Variants in SPATS2L observed in about 807,000 individuals in gnomAD.
SPATS2L encodes spermatogenesis associated serine rich 2 like.
A neutral mutation model predicts 59.6 loss-of-function variants in SPATS2L; 30 were observed. That is an observed-to-expected ratio of 0.50 (90% confidence interval 0.38 to 0.68). The LOEUF (loss-of-function observed/expected upper bound fraction) is 0.68, where lower values mean the gene tolerates loss of function less well. Ranked by LOEUF, SPATS2L falls within the 30% of genes least tolerant of loss-of-function variation. The probability of loss-of-function intolerance (pLI) is 0.00; values close to 1 mark genes in which losing one functional copy is unlikely to be tolerated. For synonymous variants in SPATS2L, 252 were observed against 263.5 expected (o/e 0.96, Z 0.42); for missense variants, 615 against 700.0 (o/e 0.88, Z 1.37).
rs1286396650 is a variant in SPATS2L at position 200,354,226 on chromosome 2, G to C, written c.-23+24746G>C. Among the ~76,000 whole-genome samples, 3 of 152,146 alleles carry C rather than the reference G, an allele frequency of 2.0e-5. No homozygotes were observed. The South Asian group carries it at 6.2e-4, about 32-fold the overall frequency. On this transcript the variant is annotated intron_variant, in intron 2 of 12. Transcript: ENST00000409140. Reference sequence around the variant, plus strand: ...ATAGAAAGGGGTGTTGATGTTCCTCGCTCTCATACAATGAGATGACTTTAA... The same window carrying C: ...ATAGAAAGGGGTGTTGATGTTCCTCCCTCTCATACAATGAGATGACTTTAA...
chr2:200,350,345 C>T (rs2080678266), intron 2 of SPATS2L, among the ~76,000 whole-genome samples: 1 of 152,052 alleles, frequency 6.6e-6, no homozygotes, highest in South Asian at 2.1e-4. Flanking sequence ...CTCATCTTCT[C>T]ATTTGTTGTC....
rs750107184 is a variant in SPATS2L, at chr2:200,412,432, G to C, written c.148+13G>C. 1.4e-6 allele frequency: 2 copies of C among 1,446,384 alleles called. No individual in the cohort carries two copies. Among genetic ancestry groups the C allele is most frequent in the East Asian group, 4.6e-5 (2 of 43,496 alleles). The allele number at this position is 1,446,384 out of a possible 1,614,324, so 89.6% of individuals were successfully genotyped here. On this transcript the variant is annotated intron_variant, in intron 4 of 12. Coordinates refer to ENST00000409140, the MANE Select transcript of SPATS2L (RefSeq NM_001100423.2). ...GCCTTTGTGGATGGTAGGTATACCT[G>C]TACCCTGCAGCTGAAGATGTTAGAC...
chr2:200,364,339 C>T (rs975357838), intron 2 of SPATS2L, among the ~76,000 whole-genome samples: 7 of 152,066 alleles, frequency 4.6e-5, no homozygotes, highest in East Asian at 1.9e-4. Flanking sequence ...GCTGTGTCAC[C>T]GGTTTGTTGT....
At chr2:200,310,679 C>G (rs1354413371) in intron 1 of SPATS2L, among the ~76,000 whole-genome samples, 1 of 152,194 alleles carries the variant, frequency 6.6e-6, no homozygotes, top group Non-Finnish European at 1.5e-5. Context: ...TTCAGTGTAC[C>G]TCACAGTCTT....
chr2:200,466,121 T>C (rs968891062), intron 9 of SPATS2L, among the ~76,000 whole-genome samples: 5 of 152,236 alleles, frequency 3.3e-5, no homozygotes, highest in Admixed American at 2.6e-4. Context: ...TCTGTACTTC[T>C]TTTTGGGCTT....
At chr2:200,417,162 C>T (rs568719365) in intron 5 of SPATS2L, among the ~76,000 whole-genome samples, 13 of 152,242 alleles carry the variant, frequency 8.5e-5, no homozygotes, top group African/African-American at 2.9e-4. Flanking sequence ...CCTTGTGTTT[C>T]GGATTTCCCA....
In SPATS2L at chr2:200,306,757, G is replaced by C. The variant is rs1343202919; in HGVS notation, c.-238G>C. Reference sequence around the variant, plus strand: ...GGCTGCGCCCTCCGCTGCAAGCGCCGGCAGCGCGGGGCGAGCTCCGGACGG... The same window carrying C: ...GGCTGCGCCCTCCGCTGCAAGCGCCCGCAGCGCGGGGCGAGCTCCGGACGG... On this transcript the variant is annotated 5_prime_UTR_variant, in exon 1 of 13. Transcript: ENST00000409140. The C allele has an allele frequency of 1.0e-6, 1 of 982,488 alleles. No homozygotes were observed. 60.9% of individuals were successfully genotyped at this position (982,488 alleles called of 1,614,324 possible). A position where few individuals can be genotyped will look rare whatever the true frequency, so the allele number is the denominator to read the frequency against.
chr2:200,469,676 G>A (rs1423037270), intron 10 of SPATS2L: 1 of 462,164 alleles, frequency 2.2e-6, no homozygotes, highest in Non-Finnish European at 3.8e-6. Flanking sequence ...CACATTTCAT[G>A]TAGGCCCAAA....
chr2:200,393,492 A>G (rs754314889), intron 3 of SPATS2L, among the ~76,000 whole-genome samples: 2 of 152,220 alleles, frequency 1.3e-5, no homozygotes, highest in African/African-American at 2.4e-5. Flanking sequence ...CATTTCCGTA[A>G]CTTATAAAAA....
intron 12 of SPATS2L, 85 bp from the exon 13 acceptor site, chr2:200,477,551 C>T: frequency 3.8e-6 from 2 of 527,574 alleles, no homozygotes; most frequent in Non-Finnish European, 5.6e-6. Flanking sequence ...TTACCTGTGG[C>T]TTAGAGATTT....
In SPATS2L at chr2:200,479,849, G is replaced by C. The variant is rs2087736243; in HGVS notation, c.*1818G>C. ...GTACAGGAGGATGTTTGCTCTCTCT[G>C]TAGAGAGCTTTCTGAGGTCTCTGGG... is the stretch of plus-strand genomic sequence containing the variant. On this transcript the variant is annotated 3_prime_UTR_variant, in exon 13 of 13. Coordinates refer to ENST00000409140, the MANE Select transcript of SPATS2L (RefSeq NM_001100423.2). The C allele has an allele frequency of 7.5e-6, 3 of 397,908 alleles. No homozygotes were observed. The South Asian group carries it at 4.1e-4, about 54-fold the overall frequency. 24.6% of individuals were successfully genotyped at this position (397,908 alleles called of 1,614,324 possible). A position where few individuals can be genotyped will look rare whatever the true frequency, so the allele number is the denominator to read the frequency against.
At chr2:200,451,691 G>C (rs1397201096) in intron 8 of SPATS2L, among the ~76,000 whole-genome samples, 1 of 152,126 alleles carries the variant, frequency 6.6e-6, no homozygotes, top group Non-Finnish European at 1.5e-5. Context: ...TGGCTGCCTT[G>C]GGTTGAATGT....
chr2:200,381,964 C>T (rs981348333), intron 2 of SPATS2L, among the ~76,000 whole-genome samples: 9 of 152,144 alleles, frequency 5.9e-5, no homozygotes, highest in Admixed American at 1.3e-4. Flanking sequence ...CATCACAGCT[C>T]GCAAGAAACA....
chr2:200,412,288 C>CTT lies in SPATS2L; in HGVS notation c.40-11_40-10dup, dbSNP rs748739547. 3.7e-3 allele frequency: 3,959 copies of CTT among 1,056,984 alleles called. 68 individuals carry two copies. The African/African-American group carries it at 0.054, about 14-fold the overall frequency. The allele number at this position is 1,056,984 out of a possible 1,614,324, so 65.5% of individuals were successfully genotyped here. On this transcript the variant is annotated intron_variant, in intron 3 of 12. Coordinates refer to ENST00000409140, the MANE Select transcript of SPATS2L (RefSeq NM_001100423.2). ...ATTTAAAGTGTTCACATTTCTATTT[C>CTT]TTTTTTTTTTTTTCCTTTACAGATC...
intron 12 of SPATS2L, among the ~76,000 whole-genome samples, chr2:200,476,842 G>A (rs2087559881): frequency 6.6e-6 from 1 of 152,176 alleles, no homozygotes; most frequent in African/African-American, 2.4e-5. Context: ...GAAAAATCAG[G>A]TCATATGAAC....
rs1465050683 is a variant in SPATS2L, at chr2:200,440,596, C to T, written c.653-53C>T. ...TTGCTTTGTTTTGTTGTTTAGCTTA[C>T]AAACAAAGGATTAAATGCTCAAGTT... is the stretch of plus-strand genomic sequence containing the variant. On this transcript the variant is annotated intron_variant, in intron 7 of 12. Coordinates refer to ENST00000409140, the MANE Select transcript of SPATS2L (RefSeq NM_001100423.2). 1.4e-5 allele frequency: 21 copies of T among 1,553,160 alleles called. No homozygotes were observed. The East Asian group carries it at 4.5e-4, about 33-fold the overall frequency.
At chr2:200,389,470 A>T in intron 3 of SPATS2L, 187 bp downstream of exon 3, 1 of 498,936 alleles carries the variant, frequency 2.0e-6, no homozygotes, top group South Asian at 3.5e-5. Context: ...CATGTTAAGC[A>T]TATGACACTC....
At chr2:200,360,133 G>A (rs2081048518) in intron 2 of SPATS2L, among the ~76,000 whole-genome samples, 2 of 152,124 alleles carry the variant, frequency 1.3e-5, no homozygotes, top group African/African-American at 4.8e-5. Context: ...TACAACTATG[G>A]GGTGAGTGAT....
intron 5 of SPATS2L, among the ~76,000 whole-genome samples, chr2:200,418,308 T>C (rs2083151531): frequency 6.6e-6 from 1 of 152,150 alleles, no homozygotes; most frequent in Non-Finnish European, 1.5e-5. Flanking sequence ...CGCAGTGGCT[T>C]GTGCCTGTAA....
Sources: allele counts gnomAD v4.1 joint callset (sites outside exome capture counted in the v4.1 genomes callset), GRCh38; gene constraint gnomAD v4.1.1; transcripts MANE v1.5; gene names NCBI Gene and HGNC (gene_info 2026-07-23, HGNC 2026-07-21).